CERT1: variants seen among roughly 807,000 people sequenced by gnomAD.
CERT1 encodes ceramide transporter 1, also known as ceramide transfer protein.
A neutral mutation model predicts 87.9 loss-of-function variants in CERT1; 31 were observed. The observed-to-expected ratio is 0.35, with a 90% confidence interval of 0.27 to 0.48. The LOEUF is 0.48. CERT1 is among the 20% of genes least tolerant of loss of function. The pLI is 0.99. For missense variants in CERT1, 487 were observed against 758.0 expected, an observed-to-expected ratio of 0.64 and a Z score of 4.20; for synonymous variants, 289 against 250.9, an observed-to-expected ratio of 1.15 and a Z score of -1.44.
At position 75,379,220 on chromosome 5, in the gene CERT1, ATACTC is replaced by A. The variant is rs200968495; in HGVS notation, c.*121_*125del. ...GACAACAACAAAAACCAACGAAACA[ATACTC>A]TATAGGGGAACATCAAAAAACATAG... On this transcript the variant is annotated 3_prime_UTR_variant, in exon 17 of 17. Coordinates refer to ENST00000643780, the MANE Select transcript of CERT1 (RefSeq NM_001379029.1). The A allele has an allele frequency of 2.3e-3, 2,025 of 862,314 alleles. 18 individuals carry two copies. In the African/African-American group the frequency reaches 0.024, roughly 10 times the overall value. The allele number at this position is 862,314 out of a possible 1,614,324, so 53.4% of individuals were successfully genotyped here.
At position 75,456,288 on chromosome 5, in the gene CERT1, A is replaced by G. The variant is rs141000430; in HGVS notation, c.348+2777T>C. Among the ~76,000 whole-genome samples the G allele has an allele frequency of 2.1e-3, 316 of 152,310 alleles. 1 individual carries two copies. The East Asian group carries it at 0.027, about 13-fold the overall frequency. ...CTGATAGGCTGCTCAGTTGGCATAC[A>G]TCACATATTTTACTTTAGTACATTA... On this transcript the variant is annotated intron_variant, in intron 3 of 16. Transcript: ENST00000643780.
At chr5:75,503,301 A>G (rs372466079) in intron 2 of CERT1, among the ~76,000 whole-genome samples, 11 of 151,998 alleles carry the variant, frequency 7.2e-5, no homozygotes, top group Admixed American at 4.6e-4. Context: ...ATTTCATAAG[A>G]GTGCCATATA....
At chr5:75,493,360 A>T (rs1009234539) in intron 2 of CERT1, among the ~76,000 whole-genome samples, 1 of 152,230 alleles carries the variant, frequency 6.6e-6, no homozygotes, top group Non-Finnish European at 1.5e-5. Flanking sequence ...AATATTTTTT[A>T]AAACAACAAG....
In CERT1 at chr5:75,490,511, T is replaced by A. The variant is rs183093937; in HGVS notation, c.231+15471A>T. ...GTACGAAATTTTTATTTATTTATTT[T>A]TTTTTGAGACAGAGTCTCGCTGTGT... is the stretch of plus-strand genomic sequence containing the variant. On this transcript the variant is annotated intron_variant, in intron 2 of 16. Coordinates refer to ENST00000643780, the MANE Select transcript of CERT1 (RefSeq NM_001379029.1). Among the ~76,000 whole-genome samples the A allele has an allele frequency of 2.2e-3, 331 of 152,240 alleles. 3 individuals carry two copies. Among genetic ancestry groups the A allele is most frequent in the African/African-American group, 3.6e-3 (151 of 41,544 alleles).
At chr5:75,504,493 A>T (rs1338043286) in intron 2 of CERT1, among the ~76,000 whole-genome samples, 2 of 152,210 alleles carry the variant, frequency 1.3e-5, no homozygotes, top group Non-Finnish European at 2.9e-5. Flanking sequence ...TATAAAAAAT[A>T]ATGTAAAAAT....
At chr5:75,442,584 C>T (rs184345223) in intron 3 of CERT1, among the ~76,000 whole-genome samples, 217 of 152,228 alleles carry the variant, frequency 1.4e-3, no homozygotes, top group African/African-American at 5.1e-3. Flanking sequence ...CTAGGTTACC[C>T]GATTTTAGGG....
chr5:75,433,103 G>A (rs953038604), intron 3 of CERT1, among the ~76,000 whole-genome samples: 1 of 152,170 alleles, frequency 6.6e-6, no homozygotes, highest in African/African-American at 2.4e-5. Flanking sequence ...CTGTAGCATT[G>A]TAATACAGTT....
chr5:75,425,306 A>G (rs1763567564), intron 5 of CERT1, 55 bp downstream of exon 5: 1 of 1,526,654 alleles, frequency 6.6e-7, no homozygotes, highest in Admixed American at 1.9e-5. Flanking sequence ...TGAGATCAAG[A>G]GGCTTTTAAT....
chr5:75,408,259 G>C (rs1762793632), intron 8 of CERT1, among the ~76,000 whole-genome samples: 1 of 152,156 alleles, frequency 6.6e-6, no homozygotes, highest in South Asian at 2.1e-4. Context: ...AGGTCTTCAG[G>C]ACTCAGACCT....
At chr5:75,388,590 G>GCATGCATGCATATATATATATATATCT (rs1761893747) in intron 12 of CERT1, among the ~76,000 whole-genome samples, 5 of 96,840 alleles carry the variant, frequency 5.2e-5, no homozygotes, top group South Asian at 4.1e-4. Context: ...GCCAAGTATA[G>GCATGCATGCATATATATATATATATCT]CATGCATGCA....
chr5:75,474,092 C>T lies in CERT1; in HGVS notation c.232-14911G>A, dbSNP rs183125698. ...TAAACCCAGTAGTTAAAAATCAACTCATAACTTAAAAACCGATGTTATTCA... is the reference window on the plus strand; with the variant it reads ...TAAACCCAGTAGTTAAAAATCAACTTATAACTTAAAAACCGATGTTATTCA... On this transcript the variant is annotated intron_variant, in intron 2 of 16. Transcript: ENST00000643780. Among the ~76,000 whole-genome samples, 1,181 of 152,268 alleles carry T rather than the reference C, an allele frequency of 7.8e-3. 16 individuals are homozygous for T. Among genetic ancestry groups the T allele is most frequent in the African/African-American group, 0.027 (1,138 of 41,546 alleles).
intron 7 of CERT1, among the ~76,000 whole-genome samples, chr5:75,412,975 CTT>C (rs1457963800): frequency 1.3e-5 from 2 of 152,116 alleles, no homozygotes; most frequent in East Asian, 3.8e-4. Flanking sequence ...ATTTTTTAAA[CTT>C]TTTGAGTCTT....
At position 75,425,479 on chromosome 5, in the gene CERT1, C is replaced by T; in HGVS notation, c.477G>A (p.Glu159=). The change falls in exon 5 of 17, where the codon GAG becomes GAA. Residue 159 remains glutamate (E), a synonymous_variant. Transcript: ENST00000643780. ...TAAATGTTTCCATTTCAGCCAACTT[C>T]TCACGTAAACTGTGGCCTTTCTGCA... ...SSFKKGHSLR[E]KLAEMETFRD... is the part of the protein sequence containing the mutation. 6.2e-7 allele frequency: 1 copy of T among 1,613,404 alleles called. No homozygotes were observed. The highest frequency in any genetic ancestry group is 8.5e-7 in the Non-Finnish European group (1 of 1,179,860).
intron 14 of CERT1, among the ~76,000 whole-genome samples, chr5:75,383,030 G>C (rs979615736): frequency 6.6e-6 from 1 of 151,924 alleles, no homozygotes; most frequent in African/African-American, 2.4e-5. Context: ...AAATTTAAAG[G>C]GAAAAATATT....
chr5:75,477,110 T>C (rs1219982350), intron 2 of CERT1, among the ~76,000 whole-genome samples: 1 of 152,230 alleles, frequency 6.6e-6, no homozygotes, highest in Non-Finnish European at 1.5e-5. Context: ...TTTCCTACTA[T>C]GTAGAGACTA....
At chr5:75,427,381 T>A (rs1311626820) in intron 3 of CERT1, among the ~76,000 whole-genome samples, 1 of 152,100 alleles carries the variant, frequency 6.6e-6, no homozygotes, top group Non-Finnish European at 1.5e-5. Flanking sequence ...GGTGGATCAC[T>A]TGAGGTAAGG....
chr5:75,470,752 C>G (rs1315379460), intron 2 of CERT1, among the ~76,000 whole-genome samples: 1 of 152,100 alleles, frequency 6.6e-6, no homozygotes, highest in Non-Finnish European at 1.5e-5. Context: ...ACTAGAAGTC[C>G]TAGCCAGAAC....
rs527761550 is a variant in CERT1, at chr5:75,427,199, A to G, written c.349-721T>C. ...TCTTACCTTCTCTAATACAAATGCA[A>G]TATAACAATATAGACAAAGAAATTA... On this transcript the variant is annotated intron_variant, in intron 3 of 16. Coordinates refer to ENST00000643780, the MANE Select transcript of CERT1 (RefSeq NM_001379029.1). 9.7e-4 allele frequency among the ~76,000 whole-genome samples: 148 copies of G among 152,356 alleles called. 7 individuals carry two copies. In the South Asian group the frequency reaches 0.029, roughly 30 times the overall value.
At chr5:75,467,618 G>GCAA (rs1434309645) in intron 2 of CERT1, among the ~76,000 whole-genome samples, 1 of 140,332 alleles carries the variant, frequency 7.1e-6, no homozygotes, top group Non-Finnish European at 1.5e-5. Context: ...TCCAGCCTGG[G>GCAA]CAACAGAGTG....
Sources: gnomAD v4.1 joint callset for allele counts (sites outside exome capture counted in the v4.1 genomes callset) on GRCh38, gnomAD v4.1.1 for gene constraint, MANE v1.5 for transcripts, NCBI Gene and HGNC (gene_info 2026-07-23, HGNC 2026-07-21) for gene names.